The following DYSF variants were observed in gnomAD, a reference collection of about 807,000 sequenced individuals.
The protein encoded by DYSF is dystrophy-associated fer-1-like 1.
DYSF carries 212 observed loss-of-function variants against 274.9 expected under a neutral mutation model. The ratio of observed to expected loss-of-function variants is 0.77; its 90% confidence interval spans 0.69 to 0.86. The LOEUF (loss-of-function observed/expected upper bound fraction) is 0.86. Among genes scored for constraint, DYSF ranks in the 40% least tolerant of loss-of-function variants. The pLI is 0.00. For missense variants in DYSF, 2,666 were observed against 2,783.2 expected (o/e 0.96, Z 0.95); for synonymous variants, 1,091 against 1,078.7 (o/e 1.01, Z -0.22).
intron 16 of DYSF, among the ~76,000 whole-genome samples, chr2:71,538,930 C>T (rs1017115593): frequency 7.9e-5 from 12 of 152,124 alleles, no homozygotes; most frequent in Non-Finnish European, 1.3e-4. Flanking sequence ...TGGTGGTTGG[C>T]GAGATGAACT....
At chr2:71,504,058 C>G (rs189103840) in intron 4 of DYSF, among the ~76,000 whole-genome samples, 25 of 152,278 alleles carry the variant, frequency 1.6e-4, no homozygotes, top group Admixed American at 1.1e-3. Flanking sequence ...GGTACTGCCC[C>G]GTGGCGGGTG....
intron 41 of DYSF, among the ~76,000 whole-genome samples, chr2:71,622,130 G>GTGTTTTTTTT (rs775688599): frequency 2.4e-4 from 23 of 97,030 alleles, no homozygotes; most frequent in African/African-American, 8.6e-4. Context: ...TGATTTCTTT[G>GTGTTTTTTTT]TTTTTTTTTT....
intron 17 of DYSF, among the ~76,000 whole-genome samples, chr2:71,542,801 T>C (rs902303700): frequency 6.6e-6 from 1 of 152,212 alleles, no homozygotes; most frequent in African/African-American, 2.4e-5. Flanking sequence ...ACAATCTGAT[T>C]TCTCCATCTT....
chr2:71,683,163 C>T (rs1389195221), intron 55 of DYSF, among the ~76,000 whole-genome samples: 2 of 152,152 alleles, frequency 1.3e-5, no homozygotes, highest in East Asian at 3.9e-4. Flanking sequence ...CTGAGGCACT[C>T]AATAGAGTGT....
intron 3 of DYSF, among the ~76,000 whole-genome samples, chr2:71,502,723 C>T (rs1010498623): frequency 1.8e-4 from 28 of 152,184 alleles, no homozygotes; most frequent in African/African-American, 6.0e-4. Flanking sequence ...TTCTCCCTGT[C>T]CCTGAAGACA....
At chr2:71,647,524 TC>T (rs1258593704) in intron 42 of DYSF, among the ~76,000 whole-genome samples, 4 of 152,130 alleles carry the variant, frequency 2.6e-5, no homozygotes, top group Admixed American at 6.5e-5. Context: ...CTCTTGGAAA[TC>T]ATTCAAACCC....
In DYSF at chr2:71,481,985, G is replaced by T; in HGVS notation, c.239+15G>T. On this transcript the variant is annotated intron_variant, in intron 3 of 55. Transcript: ENST00000410020. Reference sequence around the variant, plus strand: ...GGGAGGAACAGGTAAGGTGGCCAGAGGGGGGTGCTCCATGGCTTGAAGGTG... The same window carrying T: ...GGGAGGAACAGGTAAGGTGGCCAGATGGGGGTGCTCCATGGCTTGAAGGTG... 1.2e-6 allele frequency: 2 copies of T among 1,607,752 alleles called. No homozygotes were observed. Among genetic ancestry groups the T allele is most frequent in the South Asian group, 2.2e-5 (2 of 90,806 alleles).
In DYSF at chr2:71,513,840, G is replaced by GC. The variant is rs886042680; in HGVS notation, c.682dup (p.His228ProfsTer15). 1 of 1,614,152 alleles carries GC rather than the reference G, an allele frequency of 6.2e-7. No homozygotes were observed. The highest frequency in any genetic ancestry group is 2.2e-5 in the East Asian group (1 of 44,860). ...CAAGGAAACTACCTTCACGTCCTCC[G>GC]CCCCACTACCCCGGGATCAAAAGAA... On this transcript the variant is annotated frameshift_variant, in exon 7 of 56. Transcript: ENST00000410020. LOFTEE classifies it high-confidence loss of function.
intron 22 of DYSF, among the ~76,000 whole-genome samples, chr2:71,558,204 A>T (rs2091467884): frequency 6.6e-6 from 1 of 152,116 alleles, no homozygotes; most frequent in African/African-American, 2.4e-5. Context: ...GAGGGTTCAG[A>T]ATGATCCCCT....
intron 14 of DYSF, among the ~76,000 whole-genome samples, chr2:71,532,089 C>T (rs1479193825): frequency 1.3e-5 from 2 of 152,160 alleles, no homozygotes; most frequent in Non-Finnish European, 2.9e-5. Context: ...TGTGTTGTCT[C>T]ATCTTTTCTT....
chr2:71,679,999 A>G (rs12105556), intron 53 of DYSF, among the ~76,000 whole-genome samples: 5,679 of 152,298 alleles, frequency 0.037, 340 homozygotes, highest in African/African-American at 0.13. Context: ...GAAACTACAG[A>G]TAGTACTAAA....
chr2:71,572,044 C>T (rs1420822156), intron 29 of DYSF, among the ~76,000 whole-genome samples: 1 of 148,834 alleles, frequency 6.7e-6, no homozygotes, highest in Non-Finnish European at 1.5e-5. Context: ...AGCACACCCA[C>T]AGATCACACC....
At chr2:71,684,709 C>T (rs920863593) in intron 55 of DYSF, among the ~76,000 whole-genome samples, 12 of 152,274 alleles carry the variant, frequency 7.9e-5, no homozygotes, top group East Asian at 3.9e-4. Flanking sequence ...TCAGAGTCCC[C>T]GGCCGGCCCC....
chr2:71,589,850 C>T (rs977680011), intron 31 of DYSF, among the ~76,000 whole-genome samples, 164 bp downstream of exon 31: 4 of 152,176 alleles, frequency 2.6e-5, no homozygotes, highest in African/African-American at 9.6e-5. Flanking sequence ...TGTGTGCGCG[C>T]GTGCGTGCAC....
chr2:71,665,376 C>T, intron 47 of DYSF, 72 bp downstream of exon 47: 1 of 1,603,166 alleles, frequency 6.2e-7, no homozygotes, highest in Non-Finnish European at 8.5e-7. Context: ...AGACCCTCTG[C>T]TACCATAAAA....
intron 28 of DYSF, 37 bp from the exon 29 acceptor site, chr2:71,570,562 C>T (rs746115600): frequency 6.2e-7 from 1 of 1,610,444 alleles, no homozygotes; most frequent in Admixed American, 1.7e-5. Flanking sequence ...ATGGGGGGAA[C>T]TGCCAAGCAA....
rs996087780 is a variant in DYSF at position 71,549,505 on chromosome 2, T to C, written c.1577-1536T>C. 3.9e-6 allele frequency: 4 copies of C among 1,018,802 alleles called. No homozygotes were observed. In the African/African-American group the frequency reaches 4.8e-5, roughly 12 times the overall value. The allele number at this position is 1,018,802 out of a possible 1,614,324, so 63.1% of individuals were successfully genotyped here. ...TGATTTGCCTGAGGTGGGATTGAGATTCCCCCACAAAGGTAAGTCCCTGGA... is the reference window on the plus strand; with the variant it reads ...TGATTTGCCTGAGGTGGGATTGAGACTCCCCCACAAAGGTAAGTCCCTGGA... On this transcript the variant is annotated intron_variant, in intron 17 of 55. Coordinates refer to ENST00000410020, the MANE Select transcript of DYSF (RefSeq NM_001130987.2).
chr2:71,650,508 A>G (rs939777849), intron 42 of DYSF, among the ~76,000 whole-genome samples: 2 of 152,094 alleles, frequency 1.3e-5, no homozygotes, highest in Non-Finnish European at 2.9e-5. Flanking sequence ...TAAAATAAAA[A>G]ATAAAAGGTC....
intron 40 of DYSF, among the ~76,000 whole-genome samples, chr2:71,618,573 T>TGGGGTAGAGTTGTGTGTGTG (rs2093998321): frequency 1.1e-5 from 1 of 91,680 alleles, no homozygotes; most frequent in African/African-American, 3.5e-5. Flanking sequence ...TGTGTTTGTG[T>TGGGGTAGAGTTGTGTGTGTG]GGGGTAGAGT....
Sources: allele counts gnomAD v4.1 joint callset (sites outside exome capture counted in the v4.1 genomes callset), GRCh38; gene constraint gnomAD v4.1.1; transcripts MANE v1.5; gene names NCBI Gene and HGNC (gene_info 2026-07-23, HGNC 2026-07-21).